The following JAG1 variants were observed in gnomAD, a reference collection of about 807,000 sequenced individuals.
JAG1 encodes protein jagged-1.
JAG1 carries 23 observed loss-of-function variants against 148.7 expected under a neutral mutation model. That is an observed-to-expected ratio of 0.15 (90% CI 0.11 to 0.22). The LOEUF (loss-of-function observed/expected upper bound fraction) is 0.22. Among genes scored for constraint, JAG1 ranks in the 10% least tolerant of loss-of-function variants. JAG1 has a pLI of 1.00. For missense variants in JAG1, 1,054 were observed against 1,611.2 expected (o/e 0.65, Z 5.92); for synonymous variants, 572 against 598.3 (o/e 0.96, Z 0.64).
At chr20:10,669,107 C>T (rs1360339315) in intron 2 of JAG1, among the ~76,000 whole-genome samples, 2 of 152,180 alleles carry the variant, frequency 1.3e-5, no homozygotes, top group African/African-American at 4.8e-5. Context: ...CTTAGCACAG[C>T]TCTTTCAAAG....
intron 2 of JAG1, among the ~76,000 whole-genome samples, chr20:10,667,187 C>A (rs993395523): frequency 6.6e-6 from 1 of 152,200 alleles, no homozygotes; most frequent in African/African-American, 2.4e-5. Context: ...CCAAACGGCA[C>A]GCGTGCGGCG....
Position 10,641,518 on chromosome 20 carries a change from TAGGAGTCAG to T in JAG1, c.2849_2857del (p.Ser950_Ser952del). 1 of 1,614,146 alleles carries T rather than the reference TAGGAGTCAG, an allele frequency of 6.2e-7. No homozygotes were observed. Among genetic ancestry groups the T allele is most frequent in the Non-Finnish European group, 8.5e-7 (1 of 1,180,032 alleles). On this transcript the variant is annotated inframe_deletion, in exon 23 of 26. Coordinates refer to ENST00000254958, the MANE Select transcript of JAG1 (RefSeq NM_000214.3). ...GATGTTCGCACAGTTATCCTGGTAA[TAGGAGTCAG>T]AGGTGCACTTTGTCTTCACCGGCTG...
At chr20:10,647,617 G>A (rs989882166) in intron 13 of JAG1, among the ~76,000 whole-genome samples, 1 of 152,228 alleles carries the variant, frequency 6.6e-6, no homozygotes, top group Non-Finnish European at 1.5e-5. Flanking sequence ...TGACCGTGCA[G>A]ATACAGAACA....
In JAG1 at chr20:10,673,784, T is replaced by G. The variant is rs2067516007; in HGVS notation, c.-254A>C. On this transcript the variant is annotated 5_prime_UTR_variant, in exon 1 of 26. Transcript: ENST00000254958. The surrounding 1 kb of genome is among the most constrained non-coding windows in gnomAD (Gnocchi z 4.7). ...CGCTTCTTTGAGACGCTCCCCCTCC[T>G]CTTCCACCTCCCGGCTTTCTTTCCT... is the stretch of plus-strand genomic sequence containing the variant. 4.4e-6 allele frequency: 1 copy of G among 225,182 alleles called. No individual in the cohort carries two copies. The highest frequency in any genetic ancestry group is 1.8e-4 in the South Asian group (1 of 5,500). 13.9% of individuals were successfully genotyped at this position (225,182 alleles called of 1,614,324 possible).
At chr20:10,661,553 A>G (rs1001583898) in intron 3 of JAG1, among the ~76,000 whole-genome samples, 1 of 152,228 alleles carries the variant, frequency 6.6e-6, no homozygotes, top group East Asian at 1.9e-4. Flanking sequence ...GATGGACAAC[A>G]CGGTGTGTAA....
At chr20:10,665,440 G>T (rs2067447312) in intron 2 of JAG1, among the ~76,000 whole-genome samples, 1 of 152,208 alleles carries the variant, frequency 6.6e-6, no homozygotes, top group South Asian at 2.1e-4. Flanking sequence ...GCCCTCTCCT[G>T]TTAGTGGCCA....
chr20:10,668,472 G>A (rs2067472092), intron 2 of JAG1, among the ~76,000 whole-genome samples: 1 of 152,184 alleles, frequency 6.6e-6, no homozygotes. Context: ...TTGCATTTAT[G>A]GATTACAACG....
At position 10,648,562 on chromosome 20, in the gene JAG1, C is replaced by G. The variant is rs747241413; in HGVS notation, c.1556G>C (p.Gly519Ala). ...FQCLCPTGFS[G>A]NLCQLDIDYC... ...GCCACCACTCACCTGACAGAGGTTT[C>G]CAGAGAAACCAGTGGGACACAGACA... The change falls in exon 12 of 26, where the codon GGA becomes GCA. Residue 519 changes from glycine to alanine, a missense_variant. Coordinates refer to ENST00000254958, the MANE Select transcript of JAG1 (RefSeq NM_000214.3). 5.6e-6 allele frequency: 9 copies of G among 1,613,516 alleles called. No individual in the cohort carries two copies. Among genetic ancestry groups the G allele is most frequent in the Non-Finnish European group, 7.6e-6 (9 of 1,180,006 alleles).
chr20:10,667,567 G>C (rs911503160), intron 2 of JAG1, among the ~76,000 whole-genome samples: 3 of 152,158 alleles, frequency 2.0e-5, no homozygotes, highest in African/African-American at 7.2e-5. Flanking sequence ...AGTGGGTTTT[G>C]GGAAAGTGAG....
Position 10,672,916 on chromosome 20 carries a change from C to G in JAG1, c.172G>C (p.Ala58Pro), listed in dbSNP as rs747526945. The G allele has an allele frequency of 1.9e-6, 3 of 1,613,158 alleles. No homozygotes were observed. The Admixed American group carries it at 5.0e-5, about 27-fold the overall frequency. The change falls in exon 2 of 26, where the codon GCC (alanine) becomes CCC (proline). Residue 58 changes from alanine (A) to proline (P), a missense_variant. Physicochemically the swap from Ala to Pro is conservative, Grantham distance 27 (BLOSUM62 -1). Around this residue, in one of 6 missense-constraint regions of JAG1, gnomAD observed 151 missense variants for 211.1 expected, o/e 0.72. Coordinates refer to ENST00000254958, the MANE Select transcript of JAG1 (RefSeq NM_000214.3). ...ELQNGNCCGG[A>P]RNPGDRKCTR... Reference sequence around the variant, plus strand: ...CACTTGCGGTCTCCCGGGTTCCGGGCGCCGCCGCAGCAGTTCCCGTTCTGC... The same window carrying G: ...CACTTGCGGTCTCCCGGGTTCCGGGGGCCGCCGCAGCAGTTCCCGTTCTGC...
At position 10,656,467 on chromosome 20, in the gene JAG1, A is replaced by C. The variant is rs2067379964; in HGVS notation, c.695-9T>G. 6.2e-7 allele frequency: 1 copy of C among 1,613,542 alleles called. No individual in the cohort carries two copies. The highest frequency in any genetic ancestry group is 8.5e-7 in the Non-Finnish European group (1 of 1,179,574). On this transcript the variant is annotated splice_polypyrimidine_tract_variant and intron_variant, in intron 4 of 25. Coordinates refer to ENST00000254958, the MANE Select transcript of JAG1 (RefSeq NM_000214.3). ...GCCTTGTCGGCAAATAGCTGTAAAA[A>C]ACAGAGAAGGGCGTGTCAGCACACT...
At position 10,645,039 on chromosome 20, in the gene JAG1, G is replaced by T; in HGVS notation, c.2228-60C>A. On this transcript the variant is annotated intron_variant, in intron 17 of 25. Coordinates refer to ENST00000254958, the MANE Select transcript of JAG1 (RefSeq NM_000214.3). The surrounding 1 kb of genome is among the most constrained non-coding windows in gnomAD (Gnocchi z 6.1). Reference sequence around the variant, plus strand: ...GAGTATCCAGAAACAGTCTGGAGGGGCAAGAACCAGGCCCAGAGAAATATC... The same window carrying T: ...GAGTATCCAGAAACAGTCTGGAGGGTCAAGAACCAGGCCCAGAGAAATATC... 1 of 1,524,020 alleles carries T rather than the reference G, an allele frequency of 6.6e-7. No individual in the cohort carries two copies. The highest frequency in any genetic ancestry group is 9.1e-7 in the Non-Finnish European group (1 of 1,097,830). 94.4% of individuals were successfully genotyped at this position (1,524,020 alleles called of 1,614,324 possible).
Position 10,673,404 on chromosome 20 carries a change from G to A in JAG1, c.81+46C>T. 5 of 1,332,228 alleles carry A rather than the reference G, an allele frequency of 3.8e-6. No individual in the cohort carries two copies. Among genetic ancestry groups the A allele is most frequent in the Non-Finnish European group, 5.0e-6 (5 of 999,108 alleles). The allele number at this position is 1,332,228 out of a possible 1,614,324, so 82.5% of individuals were successfully genotyped here. A position where few individuals can be genotyped will look rare whatever the true frequency, so the allele number is the denominator to read the frequency against. On this transcript the variant is annotated intron_variant, in intron 1 of 25. Coordinates refer to ENST00000254958, the MANE Select transcript of JAG1 (RefSeq NM_000214.3). The surrounding 1 kb of genome is among the most constrained non-coding windows in gnomAD (Gnocchi z 4.7). ...CTCAACCGCCCAGGGCGCCGCGAGG[G>A]GAGGGAGAGGACGGCTGGGAGGGAG...
rs1007482496 is a variant in JAG1 at position 10,638,764 on chromosome 20, A to G, written c.*734T>C. On this transcript the variant is annotated 3_prime_UTR_variant, in exon 26 of 26. Transcript: ENST00000254958. Reference sequence around the variant, plus strand: ...TAATGAGAAGAGTTCAAAAAAATAAAGCCATACGCTTACAATGCTATCAAA... The same window carrying G: ...TAATGAGAAGAGTTCAAAAAAATAAGGCCATACGCTTACAATGCTATCAAA... 2.0e-5 allele frequency: 3 copies of G among 152,690 alleles called. No individual in the cohort carries two copies. Among genetic ancestry groups the G allele is most frequent in the African/African-American group, 7.2e-5 (3 of 41,478 alleles). The allele number at this position is 152,690 out of a possible 1,614,324, so 9.5% of individuals were successfully genotyped here.
At position 10,648,078 on chromosome 20, in the gene JAG1, G is replaced by A. The variant is rs1477362270; in HGVS notation, c.1602C>T (p.Cys534=). 6.2e-7 allele frequency: 1 copy of A among 1,614,060 alleles called. No homozygotes were observed. The stretch of plus-strand genomic sequence containing the variant: ...GGTTGTAGCACTGGGCACCGTTCTG[G>A]CAGGGATTAGGCTCACAATAATCGA... ...LDIDYCEPNP[C]QNGAQCYNRA... The change falls in exon 13 of 26, where the codon TGC becomes TGT. Residue 534 remains cysteine (C), a synonymous_variant. Coordinates refer to ENST00000254958, the MANE Select transcript of JAG1 (RefSeq NM_000214.3).
Position 10,640,874 on chromosome 20 carries a change from G to A in JAG1, c.3108C>T (p.Ile1036=), listed in dbSNP as rs149715403. The A allele has an allele frequency of 7.4e-6, 12 of 1,613,874 alleles. No homozygotes were observed. Among genetic ancestry groups the A allele is most frequent in the Admixed American group, 1.7e-5 (1 of 60,020 alleles). The change falls in exon 25 of 26, where the codon ATC becomes ATT. Residue 1036 remains isoleucine (I), a synonymous_variant. Transcript: ENST00000254958. ...TTCCATCACGTTTACTAACAAGATCGATTATTTTGTCAGTGATTTCCTTGA... is the reference window on the plus strand; with the variant it reads ...TTCCATCACGTTTACTAACAAGATCAATTATTTTGTCAGTGATTTCCTTGA... ...NPIKEITDKI[I]DLVSKRDGNS...
intron 3 of JAG1, chr20:10,662,628 G>A (rs1249666399): frequency 6.6e-6 from 1 of 152,362 alleles, no homozygotes; most frequent in Non-Finnish European, 1.5e-5. Context: ...AGGTCACAGT[G>A]ACATAATGTT....
At chr20:10,671,859 G>A (rs1019590211) in intron 2 of JAG1, among the ~76,000 whole-genome samples, 1 of 151,920 alleles carries the variant, frequency 6.6e-6, no homozygotes, top group African/African-American at 2.4e-5. Flanking sequence ...GGGGCGGGGG[G>A]ATGAGGGCCT....
At chr20:10,650,562 C>T (rs942932162) in intron 8 of JAG1, 2 of 572,198 alleles carry the variant, frequency 3.5e-6, no homozygotes, top group South Asian at 3.9e-5. Context: ...TGCCCCAGTT[C>T]ATGTAATCCC....
Sources: allele counts gnomAD v4.1 joint callset (sites outside exome capture counted in the v4.1 genomes callset), GRCh38; gene constraint gnomAD v4.1.1; regional missense constraint gnomAD v4.1.1; non-coding constraint Gnocchi (gnomAD v3.1); transcripts MANE v1.5; gene names NCBI Gene and HGNC (gene_info 2026-07-23, HGNC 2026-07-21).